CUBN: variants seen among roughly 807,000 people sequenced by gnomAD.
CUBN encodes 460 kDa receptor.
In CUBN, 282 loss-of-function variants were observed where a neutral mutation model predicts 405.3. The ratio of observed to expected loss-of-function variants is 0.70; its 90% CI spans 0.63 to 0.77. The LOEUF is 0.77. Among genes scored for constraint, CUBN ranks in the 30% least tolerant of loss-of-function variants. The pLI is 0.00. For missense variants in CUBN, 4,514 were observed against 4,475.2 expected (o/e 1.01, Z -0.25); for synonymous variants, 1,684 against 1,617.0 (o/e 1.04, Z -0.99).
intron 59 of CUBN, among the ~76,000 whole-genome samples, chr10:16,851,972 C>T (rs1839711394): frequency 1.6e-5 from 2 of 121,364 alleles, no homozygotes; most frequent in Admixed American, 1.6e-4. Flanking sequence ...ATCTTTCCCT[C>T]CCTCCCTCTA....
intron 17 of CUBN, among the ~76,000 whole-genome samples, chr10:17,072,431 A>G (rs79652286): frequency 0.019 from 2,936 of 150,974 alleles, 99 homozygotes; most frequent in African/African-American, 0.069. Flanking sequence ...GTAAGGAGTC[A>G]ACTTAAAAAC....
At chr10:17,040,981 C>A in intron 27 of CUBN, 52 bp downstream of exon 27, 1 of 1,535,162 alleles carries the variant, frequency 6.5e-7, no homozygotes, top group Non-Finnish European at 9.0e-7. Flanking sequence ...TAACTTGACA[C>A]ATCTCCCTTG....
intron 22 of CUBN, among the ~76,000 whole-genome samples, chr10:17,057,402 A>C (rs535352724): frequency 6.6e-6 from 1 of 152,246 alleles, no homozygotes; most frequent in East Asian, 1.9e-4. Flanking sequence ...TGTCTTATGC[A>C]GAGGTGCTTC....
intron 60 of CUBN, among the ~76,000 whole-genome samples, chr10:16,848,307 A>G (rs1839579429): frequency 6.6e-6 from 1 of 152,226 alleles, no homozygotes; most frequent in African/African-American, 2.4e-5. Flanking sequence ...TTGTAATTTT[A>G]TATGCAAATC....
chr10:16,885,942 G>A (rs921171405), intron 56 of CUBN, among the ~76,000 whole-genome samples: 2 of 152,276 alleles, frequency 1.3e-5, no homozygotes, highest in South Asian at 2.1e-4. Context: ...CTATCACACA[G>A]TGGTGACAAC....
intron 28 of CUBN, among the ~76,000 whole-genome samples, chr10:17,007,016 G>T (rs1002694829): frequency 6.6e-6 from 1 of 152,092 alleles, no homozygotes; most frequent in African/African-American, 2.4e-5. Flanking sequence ...TCACTCTCTC[G>T]CTCACAAAGC....
intron 60 of CUBN, among the ~76,000 whole-genome samples, chr10:16,847,552 G>C (rs1177449642): frequency 6.6e-6 from 1 of 152,132 alleles, no homozygotes; most frequent in Non-Finnish European, 1.5e-5. Flanking sequence ...TTACATGTCA[G>C]TCTCCTACAC....
At chr10:17,087,142 T>A (rs1836127315) in intron 15 of CUBN, among the ~76,000 whole-genome samples, 1 of 145,372 alleles carries the variant, frequency 6.9e-6, no homozygotes, top group African/African-American at 2.4e-5. Context: ...ATTGACTCTA[T>A]TCCTCTCTAA....
At chr10:17,045,281 C>T in intron 24 of CUBN, 93 bp from the exon 25 acceptor site, 2 of 1,208,730 alleles carry the variant, frequency 1.7e-6, no homozygotes, top group Non-Finnish European at 2.4e-6. Context: ...ATTCTACTAT[C>T]CTTTAAATCA....
chr10:17,032,020 G>A (rs761348418), intron 27 of CUBN, among the ~76,000 whole-genome samples: 12 of 152,182 alleles, frequency 7.9e-5, no homozygotes, highest in African/African-American at 1.7e-4. Context: ...TAGGGAACTC[G>A]GAAGAGAAAG....
intron 27 of CUBN, among the ~76,000 whole-genome samples, chr10:17,038,447 A>C (rs1834945098): frequency 6.6e-6 from 1 of 152,200 alleles, no homozygotes; most frequent in Non-Finnish European, 1.5e-5. Flanking sequence ...TTTTGCCCAG[A>C]GGGTGAAATA....
intron 27 of CUBN, among the ~76,000 whole-genome samples, chr10:17,037,868 T>G (rs952673086): frequency 6.6e-6 from 1 of 151,970 alleles, no homozygotes; most frequent in African/African-American, 2.4e-5. Context: ...CAGAGTCACA[T>G]TGATCTCCAA....
At chr10:16,834,015 A>G (rs1325980674) in intron 64 of CUBN, among the ~76,000 whole-genome samples, 1 of 152,070 alleles carries the variant, frequency 6.6e-6, no homozygotes, top group Non-Finnish European at 1.5e-5. Flanking sequence ...TTAGATTTAA[A>G]CTCCACTCAC....
At chr10:17,041,907 A>G (rs986113491) in intron 26 of CUBN, among the ~76,000 whole-genome samples, 3 of 152,186 alleles carry the variant, frequency 2.0e-5, no homozygotes, top group African/African-American at 7.2e-5. Flanking sequence ...TGAGTTTTCA[A>G]CAAAACCAAA....
chr10:16,937,196 A>G (rs574421735), intron 39 of CUBN, among the ~76,000 whole-genome samples: 185 of 152,340 alleles, frequency 1.2e-3, no homozygotes, highest in Non-Finnish European at 1.3e-3. Flanking sequence ...CTGAAGCTAC[A>G]TTTGAAATAA....
At chr10:17,108,434 T>C (rs186234097) in intron 10 of CUBN, among the ~76,000 whole-genome samples, 1 of 152,262 alleles carries the variant, frequency 6.6e-6, no homozygotes, top group East Asian at 1.9e-4. Context: ...TGTTCTTTTC[T>C]ATATATGCAA....
intron 28 of CUBN, among the ~76,000 whole-genome samples, chr10:17,016,134 G>A (rs977128597): frequency 2.0e-5 from 3 of 151,886 alleles, no homozygotes; most frequent in African/African-American, 7.3e-5. Flanking sequence ...TCAGGTGACA[G>A]GGGAGTATAT....
At chr10:16,910,722 C>T (rs1445602756) in intron 48 of CUBN, among the ~76,000 whole-genome samples, 1 of 151,510 alleles carries the variant, frequency 6.6e-6, no homozygotes, top group Non-Finnish European at 1.5e-5. Flanking sequence ...AAACTGACCC[C>T]AAATGAGCAA....
At chr10:17,095,982 G>A (rs775907862) in intron 14 of CUBN, among the ~76,000 whole-genome samples, 48 of 152,096 alleles carry the variant, frequency 3.2e-4, no homozygotes, top group Non-Finnish European at 6.3e-4. Context: ...CCTGTCATTT[G>A]TGACAACATG....
Sources: allele counts gnomAD v4.1 joint callset (sites outside exome capture counted in the v4.1 genomes callset), GRCh38; gene constraint gnomAD v4.1.1; transcripts MANE v1.5; gene names NCBI Gene and HGNC (gene_info 2026-07-23, HGNC 2026-07-21).